The following TAFA4 variants were observed in gnomAD, a reference collection of about 807,000 sequenced individuals.
TAFA4 encodes the protein TAFA chemokine like family member 4, also known as chemokine-like protein TAFA-4.
Under a neutral mutation model 21.1 loss-of-function variants are expected in TAFA4, and 20 were observed. The observed-to-expected ratio is 0.95, with a 90% CI of 0.67 to 1.38. The LOEUF is 1.38. Among genes scored for constraint, TAFA4 ranks in the 40% most tolerant of loss-of-function variants. The probability of loss-of-function intolerance (pLI) is 0.00; values close to 1 mark genes in which losing one functional copy is unlikely to be tolerated. For synonymous variants in TAFA4, 71 were observed against 67.4 expected, an observed-to-expected ratio of 1.05 and a Z score of -0.26; for missense variants, 211 against 180.9, an observed-to-expected ratio of 1.17 and a Z score of -0.95.
chr3:68,827,055 G>GAAC (rs1704257196), intron 3 of TAFA4, among the ~76,000 whole-genome samples: 1 of 104,270 alleles, frequency 9.6e-6, no homozygotes, highest in Non-Finnish European at 1.9e-5. Flanking sequence ...CCCCCAACAG[G>GAAC]CCCCTGTGTG....
At chr3:68,838,609 G>A (rs1028934800) in intron 3 of TAFA4, among the ~76,000 whole-genome samples, 3 of 152,090 alleles carry the variant, frequency 2.0e-5, no homozygotes, top group Non-Finnish European at 2.9e-5. Flanking sequence ...TAGGGTTTGC[G>A]GGCCATGTAT....
intron 1 of TAFA4, among the ~76,000 whole-genome samples, chr3:68,928,243 C>A (rs527430674): frequency 6.6e-6 from 1 of 152,234 alleles, no homozygotes; most frequent in East Asian, 1.9e-4. Flanking sequence ...CATCTAGTAA[C>A]CAGAATGTTT....
chr3:68,768,529 CA>C (rs1702897828), intron 3 of TAFA4, among the ~76,000 whole-genome samples: 1 of 152,098 alleles, frequency 6.6e-6, no homozygotes. Flanking sequence ...TTATGGAAAC[CA>C]GTATGGAGGT....
chr3:68,828,315 C>A (rs1470866378), intron 3 of TAFA4, among the ~76,000 whole-genome samples: 1 of 152,128 alleles, frequency 6.6e-6, no homozygotes, highest in East Asian at 1.9e-4. Flanking sequence ...TAGCATAATG[C>A]CTCCAGCTTT....
intron 4 of TAFA4, among the ~76,000 whole-genome samples, chr3:68,742,865 C>T (rs1407271967): frequency 6.6e-6 from 1 of 152,144 alleles, no homozygotes; most frequent in African/African-American, 2.4e-5. Flanking sequence ...ATGCTAGAGC[C>T]CAAGTGCTAA....
At chr3:68,848,119 T>C (rs894482570) in intron 3 of TAFA4, among the ~76,000 whole-genome samples, 1 of 152,226 alleles carries the variant, frequency 6.6e-6, no homozygotes, top group Non-Finnish European at 1.5e-5. Context: ...TTGAGGAGTT[T>C]CCACAGCTAT....
At chr3:68,836,379 A>G (rs1396062475) in intron 3 of TAFA4, among the ~76,000 whole-genome samples, 10 of 152,242 alleles carry the variant, frequency 6.6e-5, no homozygotes, top group African/African-American at 2.2e-4. Context: ...AGTAACATTT[A>G]TGTCCCTACA....
intron 3 of TAFA4, among the ~76,000 whole-genome samples, chr3:68,792,885 C>G (rs1703388660): frequency 2.0e-5 from 3 of 152,262 alleles, no homozygotes; most frequent in South Asian, 4.1e-4. Context: ...ATCTCAAGCA[C>G]TAAAATGAGT....
chr3:68,744,333 G>A (rs891329932), intron 4 of TAFA4, among the ~76,000 whole-genome samples: 1 of 152,202 alleles, frequency 6.6e-6, no homozygotes, highest in Admixed American at 6.5e-5. Flanking sequence ...TGTCTGGGAA[G>A]GAACCATTAG....
At chr3:68,840,681 A>T (rs571286514) in intron 3 of TAFA4, among the ~76,000 whole-genome samples, 8 of 152,208 alleles carry the variant, frequency 5.3e-5, no homozygotes, top group Non-Finnish European at 8.8e-5. Context: ...GAATATAGCC[A>T]TGGAGAAGGA....
chr3:68,923,672 AC>A (rs2090080429), intron 1 of TAFA4, among the ~76,000 whole-genome samples: 5 of 151,938 alleles, frequency 3.3e-5, no homozygotes, highest in Admixed American at 3.3e-4. Context: ...TGAACATCTG[AC>A]CTACAGGAAC....
At chr3:68,833,449 GA>G (rs1173485402) in intron 3 of TAFA4, among the ~76,000 whole-genome samples, 4 of 152,130 alleles carry the variant, frequency 2.6e-5, no homozygotes, top group African/African-American at 9.7e-5. Flanking sequence ...GAGCTTATGT[GA>G]AATACAACAC....
At chr3:68,920,441 C>T (rs2090047777) in intron 1 of TAFA4, among the ~76,000 whole-genome samples, 1 of 152,134 alleles carries the variant, frequency 6.6e-6, no homozygotes, top group Admixed American at 6.5e-5. Context: ...TGATACAAAT[C>T]AACTTCAAAT....
chr3:68,865,696 A>G (rs967962665), intron 3 of TAFA4, among the ~76,000 whole-genome samples: 2 of 152,118 alleles, frequency 1.3e-5, no homozygotes, highest in East Asian at 1.9e-4. Context: ...TGCAGTGGCT[A>G]TACATAGACA....
chr3:68,845,640 T>C (rs987598675), intron 3 of TAFA4, among the ~76,000 whole-genome samples: 3 of 152,230 alleles, frequency 2.0e-5, no homozygotes, highest in African/African-American at 7.2e-5. Flanking sequence ...TTGGCATGTT[T>C]ATGCAGCGGC....
intron 3 of TAFA4, among the ~76,000 whole-genome samples, chr3:68,858,372 T>C (rs188170626): frequency 1.0e-3 from 159 of 151,878 alleles, no homozygotes; most frequent in African/African-American, 3.7e-3. Flanking sequence ...CGCAGATTAA[T>C]AACACCGTTA....
chr3:68,889,936 C>T (rs908953217), intron 1 of TAFA4, among the ~76,000 whole-genome samples: 1 of 152,240 alleles, frequency 6.6e-6, no homozygotes, highest in African/African-American at 2.4e-5. Flanking sequence ...GACACATATA[C>T]GTAGCCATAA....
chr3:68,889,958 G>T (rs1253046001), intron 1 of TAFA4, among the ~76,000 whole-genome samples: 1 of 152,138 alleles, frequency 6.6e-6, no homozygotes, highest in South Asian at 2.1e-4. Flanking sequence ...GGACATTATT[G>T]AGAAAATCAA....
intron 1 of TAFA4, among the ~76,000 whole-genome samples, chr3:68,892,441 G>C (rs2106967510): frequency 6.6e-6 from 1 of 152,284 alleles, no homozygotes; most frequent in East Asian, 1.9e-4. Flanking sequence ...GAGAAGGTTT[G>C]AGGGGGGTGG....
Sources: gnomAD v4.1 joint callset for allele counts (sites outside exome capture counted in the v4.1 genomes callset) on GRCh38, gnomAD v4.1.1 for gene constraint, MANE v1.5 for transcripts, NCBI Gene and HGNC (gene_info 2026-07-23, HGNC 2026-07-21) for gene names.